The following FBXL4 variants were observed in gnomAD, a reference collection of about 807,000 sequenced individuals.
FBXL4 encodes F-box and leucine rich repeat protein 4.
FBXL4 carries 40 observed loss-of-function variants against 58.9 expected under a neutral mutation model. The observed-to-expected ratio is 0.68, with a 90% CI of 0.53 to 0.88. FBXL4 has a LOEUF of 0.88. FBXL4 is among the 40% of genes least tolerant of loss of function. The probability of loss-of-function intolerance (pLI) is 0.00; values close to 1 mark genes in which losing one functional copy is unlikely to be tolerated. For synonymous variants in FBXL4, 263 were observed against 265.5 expected (o/e 0.99, Z 0.09); for missense variants, 676 against 734.4 (o/e 0.92, Z 0.92).
chr6:98,890,923 A>T (rs968576022), intron 7 of FBXL4, among the ~76,000 whole-genome samples: 7 of 152,108 alleles, frequency 4.6e-5, no homozygotes, highest in Admixed American at 3.9e-4. Context: ...CATTTCAAAA[A>T]CAAAAAAAAA....
chr6:98,905,951 T>A (rs1200935322), intron 5 of FBXL4, among the ~76,000 whole-genome samples: 1 of 152,198 alleles, frequency 6.6e-6, no homozygotes, highest in African/African-American at 2.4e-5. Context: ...TAATACAATT[T>A]GTCATACTCA....
rs1770492098 is a variant in FBXL4 at position 98,871,600 on chromosome 6, G to T, written c.*2678C>A. ...CGTTTGTCAAATTTATAAAGCCTGT[G>T]AAAAGGTAAGAAGGTATTTAAAATC... On this transcript the variant is annotated 3_prime_UTR_variant, in exon 10 of 10. Coordinates refer to ENST00000369244, the MANE Select transcript of FBXL4 (RefSeq NM_001278716.2). 2 of 152,198 alleles carry T rather than the reference G, an allele frequency of 1.3e-5. No homozygotes were observed. Among genetic ancestry groups the T allele is most frequent in the Admixed American group, 1.3e-4 (2 of 15,280 alleles). 9.4% of individuals were successfully genotyped at this position (152,198 alleles called of 1,614,324 possible).
chr6:98,918,050 G>A (rs1450266353), intron 4 of FBXL4, among the ~76,000 whole-genome samples: 1 of 152,112 alleles, frequency 6.6e-6, no homozygotes, highest in African/African-American at 2.4e-5. Flanking sequence ...ACACAAAGAT[G>A]AAGCTCCCTG....
At chr6:98,934,444 T>C (rs1343655430) in intron 2 of FBXL4, among the ~76,000 whole-genome samples, 3 of 151,508 alleles carry the variant, frequency 2.0e-5, no homozygotes, top group African/African-American at 4.9e-5. Flanking sequence ...GGCCGTAATA[T>C]AACAGCAAAG....
chr6:98,897,077 A>G (rs981524454), intron 7 of FBXL4: 1 of 983,318 alleles, frequency 1.0e-6, no homozygotes, highest in Non-Finnish European at 1.2e-6. Context: ...TTTTTACCCT[A>G]TTTTTCTTCT....
At chr6:98,924,761 G>C (rs900851774) in intron 4 of FBXL4, among the ~76,000 whole-genome samples, 6 of 152,308 alleles carry the variant, frequency 3.9e-5, no homozygotes, top group Non-Finnish European at 8.8e-5. Context: ...TTTTCTGGCA[G>C]GCCCTGGAAG....
chr6:98,941,085 C>T (rs985606753), intron 1 of FBXL4, among the ~76,000 whole-genome samples: 1 of 152,128 alleles, frequency 6.6e-6, no homozygotes, highest in Admixed American at 6.5e-5. Context: ...CTCAAGTGTA[C>T]TGAAAACCTA....
intron 7 of FBXL4, among the ~76,000 whole-genome samples, chr6:98,895,781 A>ATTG (rs1771388341): frequency 1.3e-5 from 2 of 152,142 alleles, no homozygotes; most frequent in Non-Finnish European, 2.9e-5. Flanking sequence ...AAATCCTCAA[A>ATTG]AGCTTTATGC....
chr6:98,939,936 T>C (rs1218026098), intron 1 of FBXL4, among the ~76,000 whole-genome samples: 4 of 152,246 alleles, frequency 2.6e-5, no homozygotes, highest in African/African-American at 9.6e-5. Context: ...ACTGCAATAG[T>C]AACTGGAGGT....
At position 98,869,331 on chromosome 6, in the gene FBXL4, T is replaced by C. The variant is rs1486762480; in HGVS notation, c.*4947A>G. The stretch of plus-strand genomic sequence containing the variant: ...AAAGTAACAAATGAAAAGCCAAACA[T>C]TCACTATTAACATACATGGGGCCTG... On this transcript the variant is annotated 3_prime_UTR_variant, in exon 10 of 10. Transcript: ENST00000369244. 6.6e-6 allele frequency: 1 copy of C among 152,164 alleles called. No individual in the cohort carries two copies. Among genetic ancestry groups the C allele is most frequent in the Non-Finnish European group, 1.5e-5 (1 of 68,028 alleles). The allele number at this position is 152,164 out of a possible 1,614,324, so 9.4% of individuals were successfully genotyped here. A position where few individuals can be genotyped will look rare whatever the true frequency, so the allele number is the denominator to read the frequency against.
chr6:98,893,283 T>TA (rs1771290993), intron 7 of FBXL4, among the ~76,000 whole-genome samples: 1 of 152,194 alleles, frequency 6.6e-6, no homozygotes, highest in African/African-American at 2.4e-5. Flanking sequence ...ATAGACTAGG[T>TA]AGTTTAACCA....
chr6:98,917,693 G>A lies in FBXL4; in HGVS notation c.539C>T (p.Pro180Leu), dbSNP rs1015958378. ...AGCTTGGGAAGCATTCACCTTCGTA[G>A]GTCTCTCTGACCAAAGAATCTCCCA... Reference protein sequence around the residue: ...VRWEILWSERPTKVNASQARQ... With the variant: ...VRWEILWSERLTKVNASQARQ... Residue 180 changes from proline (P) to leucine (L), a missense_variant, in exon 5 of 10, where the codon CCT becomes CTT. Physicochemically the swap from Pro to Leu is moderately conservative, Grantham distance 98. Coordinates refer to ENST00000369244, the MANE Select transcript of FBXL4 (RefSeq NM_001278716.2). The A allele has an allele frequency of 1.9e-6, 3 of 1,608,170 alleles. No individual in the cohort carries two copies. The highest frequency in any genetic ancestry group is 2.7e-5 in the African/African-American group (2 of 74,636).
At chr6:98,875,851 T>C in intron 8 of FBXL4, 124 bp from the exon 9 acceptor site, 1 of 918,534 alleles carries the variant, frequency 1.1e-6, no homozygotes, top group Non-Finnish European at 1.7e-6. Context: ...CACATCCTTG[T>C]TAATACAGAT....
At chr6:98,904,803 T>C (rs1419336886) in intron 6 of FBXL4, among the ~76,000 whole-genome samples, 1 of 152,170 alleles carries the variant, frequency 6.6e-6, no homozygotes, top group South Asian at 2.1e-4. Context: ...AAAATTACTA[T>C]GGCATTACTA....
At chr6:98,942,459 T>C (rs1773467923) in intron 1 of FBXL4, among the ~76,000 whole-genome samples, 1 of 152,114 alleles carries the variant, frequency 6.6e-6, no homozygotes, top group East Asian at 1.9e-4. Context: ...TTTCTCATGG[T>C]TTAGCACTAT....
rs143945097 is a variant in FBXL4, at chr6:98,885,394, C to T, written c.1318-4770G>A. Among the ~76,000 whole-genome samples, 463 of 152,092 alleles carry T rather than the reference C, an allele frequency of 3.0e-3. 1 individual carries two copies. The highest frequency in any genetic ancestry group is 0.011 in the African/African-American group (449 of 41,430). On this transcript the variant is annotated intron_variant, in intron 7 of 9. Coordinates refer to ENST00000369244, the MANE Select transcript of FBXL4 (RefSeq NM_001278716.2). ...AAATTACAGGTGTGAGTCACTACGCCCTGCCAATTCTGGGTGTTTCTGTGA... is the reference window on the plus strand; with the variant it reads ...AAATTACAGGTGTGAGTCACTACGCTCTGCCAATTCTGGGTGTTTCTGTGA...
chr6:98,920,197 T>C (rs2128402181), intron 4 of FBXL4, among the ~76,000 whole-genome samples: 1 of 152,294 alleles, frequency 6.6e-6, no homozygotes, highest in South Asian at 2.1e-4. Context: ...ATTTTAATAA[T>C]GCATTAATCT....
At chr6:98,897,480 A>G in intron 7 of FBXL4, 1 of 447,844 alleles carries the variant, frequency 2.2e-6, no homozygotes, top group Non-Finnish European at 3.0e-6. Flanking sequence ...AACTAGAATC[A>G]AAGTCTTCTT....
In FBXL4 at chr6:98,897,613, GAA is replaced by G. The variant is rs1359724854; in HGVS notation, c.1317+1653_1317+1654del. Among the ~76,000 whole-genome samples, 5 of 152,144 alleles carry G rather than the reference GAA, an allele frequency of 3.3e-5. No individual in the cohort carries two copies. The East Asian group carries it at 5.8e-4, about 18-fold the overall frequency. ...TACCTGAGGGTGGGTAGCTGATAAA[GAA>G]AAAGAGTTTATTTAGCTCACAGGTA... On this transcript the variant is annotated intron_variant, in intron 7 of 9. Coordinates refer to ENST00000369244, the MANE Select transcript of FBXL4 (RefSeq NM_001278716.2).
Sources: gnomAD v4.1 joint callset for allele counts (sites outside exome capture counted in the v4.1 genomes callset) on GRCh38, gnomAD v4.1.1 for gene constraint, MANE v1.5 for transcripts, NCBI Gene and HGNC (gene_info 2026-07-23, HGNC 2026-07-21) for gene names.